PLS1: variants seen among roughly 807,000 people sequenced by gnomAD.
PLS1 encodes the protein plastin-1.
In PLS1, 32 loss-of-function variants were observed where a neutral mutation model predicts 73.7. That is an observed-to-expected ratio of 0.43 (90% CI 0.33 to 0.58). The LOEUF is 0.58. Among genes scored for constraint, PLS1 ranks in the 20% least tolerant of loss-of-function variants. The pLI is 0.04. For missense variants in PLS1, 633 were observed against 740.5 expected (o/e 0.85, Z 1.68); for synonymous variants, 217 against 261.3 (o/e 0.83, Z 1.63).
chr3:142,620,210 C>A (rs1247907070), intron 1 of PLS1, among the ~76,000 whole-genome samples: 1 of 151,986 alleles, frequency 6.6e-6, no homozygotes, highest in African/African-American at 2.4e-5. Flanking sequence ...CTGCAATCTC[C>A]GCCTCCCAGG....
intron 1 of PLS1, among the ~76,000 whole-genome samples, chr3:142,641,516 G>C (rs1488867701): frequency 1.3e-5 from 2 of 150,950 alleles, no homozygotes; most frequent in African/African-American, 4.9e-5. Flanking sequence ...ATTCCTTTTT[G>C]TTTTAATCTC....
At chr3:142,692,114 G>A (rs2038097277) in intron 10 of PLS1, among the ~76,000 whole-genome samples, 1 of 152,118 alleles carries the variant, frequency 6.6e-6, no homozygotes, top group Non-Finnish European at 1.5e-5. Flanking sequence ...AATACAGTAT[G>A]TGTTTATTAA....
intron 1 of PLS1, among the ~76,000 whole-genome samples, chr3:142,626,637 T>A (rs2036436085): frequency 6.6e-6 from 1 of 152,204 alleles, no homozygotes; most frequent in South Asian, 2.1e-4. Flanking sequence ...TAATTGTGAC[T>A]TTTTTGCCCA....
intron 1 of PLS1, among the ~76,000 whole-genome samples, chr3:142,604,270 A>T (rs763011542): frequency 2.6e-5 from 4 of 152,224 alleles, no homozygotes; most frequent in Non-Finnish European, 5.9e-5. Flanking sequence ...TTAGACAAGT[A>T]GAATCTCTAG....
intron 1 of PLS1, among the ~76,000 whole-genome samples, chr3:142,599,609 G>A (rs376021142): frequency 1.4e-4 from 21 of 152,158 alleles, no homozygotes; most frequent in African/African-American, 4.1e-4. Flanking sequence ...GATTACAGGC[G>A]TGAGCCACCG....
chr3:142,630,938 A>ACAC (rs2036543842), intron 1 of PLS1, among the ~76,000 whole-genome samples: 3 of 137,364 alleles, frequency 2.2e-5, no homozygotes, highest in Non-Finnish European at 3.1e-5. Flanking sequence ...CATGTAAATA[A>ACAC]ACACACACAC....
chr3:142,613,898 A>G (rs1052766949), intron 1 of PLS1, among the ~76,000 whole-genome samples: 3 of 152,196 alleles, frequency 2.0e-5, no homozygotes, highest in African/African-American at 7.2e-5. Flanking sequence ...CTTTCCAAAA[A>G]CAACATACTT....
chr3:142,649,592 C>T (rs927307399), intron 1 of PLS1, among the ~76,000 whole-genome samples: 6 of 151,354 alleles, frequency 4.0e-5, no homozygotes, highest in East Asian at 1.9e-4. Context: ...GAGCTGAGAT[C>T]GCACCACTGA....
At chr3:142,694,270 C>T (rs775285255) in intron 10 of PLS1, among the ~76,000 whole-genome samples, 199 bp from the exon 11 acceptor site, 5 of 151,968 alleles carry the variant, frequency 3.3e-5, no homozygotes, top group Non-Finnish European at 7.4e-5. Flanking sequence ...AGATTTAGAG[C>T]AAATGGAGGC....
At chr3:142,653,565 T>C (rs2037150309) in intron 1 of PLS1, among the ~76,000 whole-genome samples, 1 of 151,938 alleles carries the variant, frequency 6.6e-6, no homozygotes, top group Admixed American at 6.6e-5. Flanking sequence ...GGTTTCACCA[T>C]GTTGCCCAAG....
At chr3:142,691,921 A>G (rs2038093863) in intron 10 of PLS1, among the ~76,000 whole-genome samples, 1 of 152,148 alleles carries the variant, frequency 6.6e-6, no homozygotes, top group Non-Finnish European at 1.5e-5. Context: ...AGATCATCTC[A>G]GAATTCATTT....
intron 1 of PLS1, among the ~76,000 whole-genome samples, chr3:142,636,580 C>A (rs776471119): frequency 1.3e-5 from 2 of 152,182 alleles, no homozygotes; most frequent in Non-Finnish European, 2.9e-5. Context: ...ATAAGTTGGA[C>A]TTCATCAAAA....
At chr3:142,668,905 C>A (rs6440101) in intron 2 of PLS1, among the ~76,000 whole-genome samples, 3 of 151,880 alleles carry the variant, frequency 2.0e-5, no homozygotes, top group Admixed American at 1.3e-4. Flanking sequence ...CCTGGCCCCC[C>A]CCATGCTTAT....
At chr3:142,690,816 T>C (rs2038069964) in intron 10 of PLS1, among the ~76,000 whole-genome samples, 1 of 152,176 alleles carries the variant, frequency 6.6e-6, no homozygotes, top group East Asian at 1.9e-4. Flanking sequence ...CCAGCCTTTC[T>C]TTTTTTCCCA....
At chr3:142,697,904 A>G in intron 11 of PLS1, 49 bp from the exon 12 acceptor site, 1 of 995,276 alleles carries the variant, frequency 1.0e-6, no homozygotes, top group Non-Finnish European at 1.6e-6. Context: ...AAAATTAGGT[A>G]ATACCCAACA....
intron 1 of PLS1, among the ~76,000 whole-genome samples, chr3:142,638,852 C>T (rs2036767024): frequency 6.6e-6 from 1 of 152,046 alleles, no homozygotes; most frequent in Non-Finnish European, 1.5e-5. Flanking sequence ...AGTGATTCTC[C>T]TGCCTCAGCC....
intron 1 of PLS1, among the ~76,000 whole-genome samples, chr3:142,609,515 C>T (rs1165554763): frequency 5.3e-5 from 8 of 152,334 alleles, no homozygotes; most frequent in South Asian, 2.1e-4. Flanking sequence ...GCTCATCACC[C>T]TGCTTAATAG....
chr3:142,626,315 G>A (rs2036427041), intron 1 of PLS1, among the ~76,000 whole-genome samples: 1 of 152,086 alleles, frequency 6.6e-6, no homozygotes, highest in South Asian at 2.1e-4. Context: ...AGGATGGAGG[G>A]GCAGGAGTCT....
rs535816198 is a variant in PLS1 at position 142,667,140 on chromosome 3, G to A, written c.71-2250G>A. 1.6e-4 allele frequency among the ~76,000 whole-genome samples: 25 copies of A among 152,308 alleles called. No homozygotes were observed. In the South Asian group the frequency reaches 4.8e-3, roughly 29 times the overall value. On this transcript the variant is annotated intron_variant, in intron 2 of 15. Coordinates refer to ENST00000457734, the MANE Select transcript of PLS1 (RefSeq NM_001145319.2). ...TTGTAAGAATTTCATGAGATGGCCG[G>A]GTGCGGTGGCTCACGCCTGTAATCC... is the stretch of plus-strand genomic sequence containing the variant.
Sources: gnomAD v4.1 joint callset for allele counts (sites outside exome capture counted in the v4.1 genomes callset) on GRCh38, gnomAD v4.1.1 for gene constraint, MANE v1.5 for transcripts, NCBI Gene and HGNC (gene_info 2026-07-23, HGNC 2026-07-21) for gene names.